Variants in CALN1 observed in about 807,000 individuals in gnomAD.
CALN1 encodes calcium-binding protein 8.
In CALN1, 17 loss-of-function variants were observed where a neutral mutation model predicts 30.6. The observed-to-expected ratio is 0.56, with a 90% CI of 0.38 to 0.83. The LOEUF (loss-of-function observed/expected upper bound fraction) is 0.83, where lower values mean the gene tolerates loss of function less well. Among genes scored for constraint, CALN1 ranks in the 40% least tolerant of loss-of-function variants. The pLI is 0.00. For synonymous variants in CALN1, 156 were observed against 131.4 expected (o/e 1.19, Z -1.28); for missense variants, 291 against 354.9 (o/e 0.82, Z 1.45).
At chr7:72,236,972 T>A (rs1190918947) in intron 3 of CALN1, among the ~76,000 whole-genome samples, 52 of 152,024 alleles carry the variant, frequency 3.4e-4, no homozygotes, top group Non-Finnish European at 1.3e-4. Flanking sequence ...TTGGGAACTT[T>A]TTTTTTTCTA....
At chr7:72,163,392 TAA>T (rs55881217) in intron 3 of CALN1, among the ~76,000 whole-genome samples, 6 of 79,296 alleles carry the variant, frequency 7.6e-5, no homozygotes, top group Admixed American at 1.3e-4. Context: ...TATTGGAGAT[TAA>T]AAAAAAAAAA....
chr7:72,237,311 G>GATTTGATTATACC (rs1161606447), intron 3 of CALN1, among the ~76,000 whole-genome samples: 1 of 152,096 alleles, frequency 6.6e-6, no homozygotes, highest in Non-Finnish European at 1.5e-5. Context: ...TACCGGTAAG[G>GATTTGATTATACC]GAAGATCAAA....
chr7:71,903,432 G>T (rs984778285), intron 5 of CALN1, among the ~76,000 whole-genome samples: 1 of 152,096 alleles, frequency 6.6e-6, no homozygotes, highest in African/African-American at 2.4e-5. Flanking sequence ...TGACAAGGGT[G>T]CCAAGAACAC....
chr7:72,090,095 C>T (rs1157300719), intron 4 of CALN1, among the ~76,000 whole-genome samples: 2 of 152,054 alleles, frequency 1.3e-5, no homozygotes, highest in Non-Finnish European at 2.9e-5. Context: ...GTCAGGAGTT[C>T]GAGACTAGCC....
intron 4 of CALN1, among the ~76,000 whole-genome samples, chr7:72,081,308 G>A (rs1021100564): frequency 6.6e-6 from 1 of 150,860 alleles, no homozygotes; most frequent in South Asian, 2.1e-4. Context: ...AAAGAAACTA[G>A]GGGAAATTCA....
intron 4 of CALN1, among the ~76,000 whole-genome samples, chr7:72,100,118 G>C (rs1806541865): frequency 6.6e-6 from 1 of 151,654 alleles, no homozygotes; most frequent in African/African-American, 2.4e-5. Flanking sequence ...ATGAACTTGG[G>C]GCCGAAGACG....
intron 4 of CALN1, chr7:72,103,246 G>A: frequency 5.9e-6 from 1 of 168,378 alleles, no homozygotes; most frequent in Non-Finnish European, 1.3e-5. Context: ...CAATCACCTG[G>A]ATATTGAGAC....
chr7:72,360,628 A>G (rs1013340141), intron 2 of CALN1, among the ~76,000 whole-genome samples: 3 of 149,346 alleles, frequency 2.0e-5, no homozygotes, highest in Non-Finnish European at 4.5e-5. Context: ...TTATACTTTA[A>G]GTTCTAGGGT....
intron 3 of CALN1, among the ~76,000 whole-genome samples, chr7:72,161,744 C>A (rs1423176861): frequency 6.6e-6 from 1 of 151,282 alleles, no homozygotes; most frequent in African/African-American, 2.4e-5. Context: ...GGGAGGGGAG[C>A]AACACACACG....
intron 1 of CALN1, among the ~76,000 whole-genome samples, chr7:72,442,658 A>C (rs1808386556): frequency 6.6e-6 from 1 of 151,836 alleles, no homozygotes; most frequent in Admixed American, 6.6e-5. Context: ...GGACTTTATT[A>C]AGGGTTGCAC....
At chr7:72,035,549 T>A (rs1801744664) in intron 4 of CALN1, among the ~76,000 whole-genome samples, 1 of 152,232 alleles carries the variant, frequency 6.6e-6, no homozygotes, top group South Asian at 2.1e-4. Flanking sequence ...CTGTATTCTT[T>A]TGTGTGTAGT....
chr7:72,105,069 C>T lies in CALN1; in HGVS notation c.388+1082G>A, dbSNP rs111451058. Reference sequence around the variant, plus strand: ...AAAGGTGAGAACATGTGGTGCTTGGCGTTCTGCTCCTGTGTTAGTTTGCCG... The same window carrying T: ...AAAGGTGAGAACATGTGGTGCTTGGTGTTCTGCTCCTGTGTTAGTTTGCCG... On this transcript the variant is annotated intron_variant, in intron 4 of 6. Coordinates refer to ENST00000395275, the MANE Select transcript of CALN1 (RefSeq NM_031468.4). 5.7e-3 allele frequency among the ~76,000 whole-genome samples: 870 copies of T among 151,442 alleles called. 8 individuals are homozygous for T. Among genetic ancestry groups the T allele is most frequent in the African/African-American group, 0.02 (826 of 41,348 alleles).
intron 2 of CALN1, among the ~76,000 whole-genome samples, chr7:72,279,347 T>C (rs1468803163): frequency 6.6e-6 from 1 of 152,176 alleles, no homozygotes; most frequent in Non-Finnish European, 1.5e-5. Flanking sequence ...CATGCAATGC[T>C]CTGCATCTCA....
intron 3 of CALN1, among the ~76,000 whole-genome samples, chr7:72,217,545 C>T (rs113387601): frequency 1.3e-5 from 2 of 152,134 alleles, no homozygotes; most frequent in African/African-American, 4.8e-5. Context: ...CTAAGTCGTG[C>T]CAGATGAAGA....
the CALN1 span, among the ~76,000 whole-genome samples, chr7:72,501,982 C>CACAT: frequency 1.8e-5 from 2 of 112,850 alleles, no homozygotes; most frequent in African/African-American, 3.6e-5. Context: ...TATATACACA[C>CACAT]ATATATATAT....
intron 5 of CALN1, among the ~76,000 whole-genome samples, chr7:71,815,544 C>T (rs1342241921): frequency 2.0e-5 from 3 of 152,228 alleles, no homozygotes; most frequent in Non-Finnish European, 4.4e-5. Flanking sequence ...ACAAAGGACG[C>T]GGGATCTGAG....
At chr7:72,281,214 C>A (rs1233494265) in intron 2 of CALN1, among the ~76,000 whole-genome samples, 1 of 152,076 alleles carries the variant, frequency 6.6e-6, no homozygotes, top group African/African-American at 2.4e-5. Context: ...TGCTCTCTTC[C>A]TCTTCTGCTA....
At chr7:71,946,462 G>A (rs1309507314) in intron 5 of CALN1, among the ~76,000 whole-genome samples, 1 of 151,360 alleles carries the variant, frequency 6.6e-6, no homozygotes, top group Admixed American at 6.6e-5. Context: ...TGACCTCCGG[G>A]GCTCAAGTGA....
At chr7:72,274,215 T>A (rs1211670547) in intron 3 of CALN1, among the ~76,000 whole-genome samples, 2 of 152,144 alleles carry the variant, frequency 1.3e-5, no homozygotes, top group African/African-American at 4.8e-5. Flanking sequence ...AAGATTAAGA[T>A]AGCATTACAA....
Sources: gnomAD v4.1 joint callset for allele counts (sites outside exome capture counted in the v4.1 genomes callset) on GRCh38, gnomAD v4.1.1 for gene constraint, MANE v1.5 for transcripts, NCBI Gene and HGNC (gene_info 2026-07-23, HGNC 2026-07-21) for gene names.